The following MYH7B variants were observed in gnomAD, a reference collection of about 807,000 sequenced individuals.
The protein encoded by MYH7B is myosin-7B.
Under a neutral mutation model 234.5 loss-of-function variants are expected in MYH7B, and 205 were observed. The observed-to-expected ratio is 0.87, with a 90% CI of 0.78 to 0.98. The LOEUF is 0.98. Ranked by LOEUF, MYH7B falls within the 50% of genes least tolerant of loss-of-function variation. The probability of loss-of-function intolerance (pLI) is 0.00; values close to 1 mark genes in which losing one functional copy is unlikely to be tolerated. For missense variants in MYH7B, 2,652 were observed against 2,633.4 expected, an observed-to-expected ratio of 1.01 and a Z score of -0.15; for synonymous variants, 1,193 against 1,105.0, an observed-to-expected ratio of 1.08 and a Z score of -1.58.
exon 7 of MYH7B, chr20:34,979,668 T>C: frequency 6.2e-7 from 1 of 1,614,134 alleles, no homozygotes; most frequent in Non-Finnish European, 8.5e-7. Context: ...TAGGTGCTGA[T>C]GGTGCGTGAA....
intron 24 of MYH7B, 112 bp downstream of exon 24, chr20:34,991,233 G>A (rs532075849): frequency 2.1e-5 from 16 of 753,640 alleles, no homozygotes; most frequent in Non-Finnish European, 3.4e-5. Flanking sequence ...GGGAAGCAGG[G>A]ACTGTGAGGG....
exon 10 of MYH7B, chr20:34,982,553 G>A (rs2081956413): frequency 1.9e-6 from 3 of 1,596,470 alleles, no homozygotes; most frequent in African/African-American, 1.3e-5. Flanking sequence ...GGGCAAGAAG[G>A]CCGTAAGACT....
At chr20:34,987,383 G>C (rs2147196349) in intron 16 of MYH7B, 96 bp downstream of exon 16, 2 of 1,531,150 alleles carry the variant, frequency 1.3e-6, no homozygotes, top group Non-Finnish European at 1.8e-6. Flanking sequence ...TTTAACCTCA[G>C]TCTTACCTGG....
intron 32 of MYH7B, 148 bp downstream of exon 32, chr20:34,997,788 C>A: frequency 1.9e-6 from 2 of 1,026,822 alleles, no homozygotes; most frequent in Non-Finnish European, 2.8e-6. Flanking sequence ...CATTTCTCAG[C>A]CTCCTACCAG....
chr20:34,984,542 C>T, intron 10 of MYH7B, 150 bp from the exon 11 acceptor site: 1 of 703,476 alleles, frequency 1.4e-6, no homozygotes, highest in East Asian at 2.8e-5. Context: ...GAGGGTCAGG[C>T]CGAGGGGCTG....
chr20:35,001,372 G>A (rs765677064), intron 42 of MYH7B, 23 bp downstream of exon 42: 1 of 1,599,856 alleles, frequency 6.3e-7, no homozygotes, highest in Non-Finnish European at 8.5e-7. Flanking sequence ...GTCTCCCTGG[G>A]GAGTGGCCCT....
At chr20:34,960,435 C>T (rs188972493) in intron 2 of MYH7B, among the ~76,000 whole-genome samples, 10 of 152,268 alleles carry the variant, frequency 6.6e-5, no homozygotes, top group African/African-American at 2.4e-4. Context: ...TGGGGTTTCA[C>T]CGTGTTAGCC....
exon 7 of MYH7B, chr20:34,979,773 T>C (rs2081913303): frequency 3.1e-6 from 5 of 1,613,914 alleles, no homozygotes; most frequent in Non-Finnish European, 4.2e-6. Context: ...CTGCACAACC[T>C]GCGCCAGCGC....
chr20:34,991,606 G>A (rs970416092), intron 24 of MYH7B, among the ~76,000 whole-genome samples: 2 of 152,082 alleles, frequency 1.3e-5, no homozygotes, highest in African/African-American at 2.4e-5. Flanking sequence ...TCAGGGCAGC[G>A]GGCAGAAAGG....
intron 9 of MYH7B, 36 bp downstream of exon 9, chr20:34,981,096 C>G: frequency 6.2e-7 from 1 of 1,612,454 alleles, no homozygotes; most frequent in Non-Finnish European, 8.5e-7. Flanking sequence ...GTGGAAAATG[C>G]TGGCCATCTG....
intron 9 of MYH7B, chr20:34,981,983 T>G (rs1014798286): frequency 6.4e-6 from 1 of 155,080 alleles, no homozygotes; most frequent in Admixed American, 6.2e-5. Flanking sequence ...AGGCCAGGGG[T>G]TTGAGACCAG....
intron 2 of MYH7B, among the ~76,000 whole-genome samples, chr20:34,967,158 G>C (rs2081749908): frequency 6.6e-6 from 1 of 152,008 alleles, no homozygotes; most frequent in Non-Finnish European, 1.5e-5. Flanking sequence ...GAACCCAGGA[G>C]GCGGAGGTTG....
chr20:34,991,251 C>T (rs911560334), intron 24 of MYH7B, 130 bp downstream of exon 24: 1 of 657,128 alleles, frequency 1.5e-6, no homozygotes, highest in Non-Finnish European at 2.5e-6. Context: ...GGGGCCTGGC[C>T]AGGTATCCCA....
chr20:34,998,924 T>C lies in MYH7B; in HGVS notation c.4190+9T>C. 1.2e-6 allele frequency: 2 copies of C among 1,609,470 alleles called. No individual in the cohort carries two copies. The highest frequency in any genetic ancestry group is 2.2e-5 in the South Asian group (2 of 90,758). On this transcript the variant is annotated intron_variant, in intron 35 of 44. Coordinates refer to ENST00000262873, the Ensembl canonical transcript of MYH7B. ...GAGCTGGAGGAGGCCAAGTGAGTGC[T>C]TTGCTGGCCAGGCCACTGCCATGCA...
At chr20:34,990,111 C>A (rs558187887) in exon 21 of MYH7B, 2 of 1,614,094 alleles carry the variant, frequency 1.2e-6, no homozygotes, top group Non-Finnish European at 8.5e-7. Context: ...AGGCTCCTGG[C>A]GACTCTCTAT....
At chr20:34,978,241 C>G in intron 5 of MYH7B, 145 bp downstream of exon 5, 1 of 911,890 alleles carries the variant, frequency 1.1e-6, no homozygotes, top group Admixed American at 2.6e-5. Context: ...CCTGCAGAGT[C>G]TGGGGCCTGG....
rs562063352 is a variant in MYH7B, at chr20:34,999,718, G to A, written c.4665+23G>A. The A allele has an allele frequency of 2.5e-6, 4 of 1,611,768 alleles. No individual in the cohort carries two copies. In the African/African-American group the frequency reaches 4.0e-5, roughly 16 times the overall value. On this transcript the variant is annotated intron_variant, in intron 37 of 44. Transcript: ENST00000262873. Reference sequence around the variant, plus strand: ...GAGGTCAGGGGCTGGCTGCAGGGGTGGGTGGACACTGACCTGCTGCTCCAC... The same window carrying A: ...GAGGTCAGGGGCTGGCTGCAGGGGTAGGTGGACACTGACCTGCTGCTCCAC...
rs2082112339 is a variant in MYH7B at position 34,990,011 on chromosome 20, C to T, written c.1768-3C>T. The T allele has an allele frequency of 6.2e-7, 1 of 1,614,104 alleles. No individual in the cohort carries two copies. Among genetic ancestry groups the T allele is most frequent in the South Asian group, 1.1e-5 (1 of 91,082 alleles). On this transcript the variant is annotated splice_polypyrimidine_tract_variant and splice_region_variant and intron_variant, in intron 20 of 44. Transcript: ENST00000262873. ...GGGCTCAGCACCTGACTTGTCTCTC[C>T]AGGTGCCTTACAGCATTGTGGGCTG...
intron 43 of MYH7B, 159 bp downstream of exon 43, chr20:35,001,685 C>T: frequency 1.3e-6 from 1 of 799,146 alleles, no homozygotes; most frequent in Non-Finnish European, 2.0e-6. Flanking sequence ...AGACCTAGCT[C>T]CTTCTCATGG....
Sources: gnomAD v4.1 joint callset for allele counts (sites outside exome capture counted in the v4.1 genomes callset) on GRCh38, gnomAD v4.1.1 for gene constraint, MANE v1.5 for transcripts, NCBI Gene and HGNC (gene_info 2026-07-23, HGNC 2026-07-21) for gene names.